The following RBFOX1 variants were observed in gnomAD, a reference collection of about 807,000 sequenced individuals.
RBFOX1 encodes RNA binding protein fox-1 homolog 1.
In RBFOX1, 8 loss-of-function variants were observed where a neutral mutation model predicts 57.7. The observed-to-expected ratio is 0.14, with a 90% CI of 0.08 to 0.25. RBFOX1 has a LOEUF of 0.25. Ranked by LOEUF, RBFOX1 falls within the 10% of genes least tolerant of loss-of-function variation. The pLI, the probability that RBFOX1 is intolerant of heterozygous loss-of-function variation, is 1.00. For missense variants in RBFOX1, 611 were observed against 548.5 expected, an observed-to-expected ratio of 1.11 and a Z score of -1.14; for synonymous variants, 326 against 222.4, an observed-to-expected ratio of 1.47 and a Z score of -4.15.
chr16:6,420,165 G>A (rs1162456435), intron 2 of RBFOX1, among the ~76,000 whole-genome samples: 1 of 152,048 alleles, frequency 6.6e-6, no homozygotes, highest in Non-Finnish European at 1.5e-5. Context: ...CAACTCTGCA[G>A]TCGATGAAAG....
At chr16:5,416,939 C>T (rs2067177765) in intron 1 of RBFOX1, among the ~76,000 whole-genome samples, 1 of 152,102 alleles carries the variant, frequency 6.6e-6, no homozygotes, top group African/African-American at 2.4e-5. Flanking sequence ...AAGGGGATGG[C>T]TTATGGAACA....
intron 1 of RBFOX1, among the ~76,000 whole-genome samples, chr16:6,101,090 C>G (rs1228535375): frequency 6.6e-6 from 1 of 152,206 alleles, no homozygotes; most frequent in African/African-American, 2.4e-5. Flanking sequence ...CTCCAAAAAC[C>G]ATCTGTGTCC....
chr16:6,251,397 A>G (rs62015145), intron 1 of RBFOX1, among the ~76,000 whole-genome samples: 21,816 of 152,062 alleles, frequency 0.14, 1,701 homozygotes, highest in South Asian at 0.28. Flanking sequence ...CCAAAGTCAC[A>G]CAGTCAGTGT....
chr16:7,228,143 C>T (rs548445852), intron 4 of RBFOX1, among the ~76,000 whole-genome samples: 90 of 152,192 alleles, frequency 5.9e-4, no homozygotes, highest in Middle Eastern at 3.4e-3. Context: ...GAGTATCAGA[C>T]TGTAAGTTCC....
intron 4 of RBFOX1, among the ~76,000 whole-genome samples, chr16:5,867,861 A>C (rs944157348): frequency 1.3e-5 from 2 of 151,828 alleles, no homozygotes; most frequent in Non-Finnish European, 2.9e-5. Flanking sequence ...ACAGGTGTGC[A>C]CCGCCACGCC....
chr16:7,197,598 C>G (rs1005087381), intron 4 of RBFOX1, among the ~76,000 whole-genome samples: 1 of 152,054 alleles, frequency 6.6e-6, no homozygotes, highest in South Asian at 2.1e-4. Context: ...ACATTGAAAA[C>G]AAGTACTCAA....
rs558653927 is a variant in RBFOX1, at chr16:7,194,813, C to T, written c.27+142715C>T. 1.3e-4 allele frequency among the ~76,000 whole-genome samples: 19 copies of T among 151,496 alleles called. No individual in the cohort carries two copies. In the East Asian group the frequency reaches 2.9e-3, roughly 23 times the overall value. On this transcript the variant is annotated intron_variant, in intron 4 of 15. Coordinates refer to ENST00000550418, the MANE Select transcript of RBFOX1 (RefSeq NM_018723.4). ...CGTGGTGGTGCATGCCTGTGGTTCT[C>T]GCCACTAGGGAGGCTGAGGTGGGAG... is the stretch of plus-strand genomic sequence containing the variant.
chr16:6,855,901 T>A (rs980256234), intron 3 of RBFOX1, among the ~76,000 whole-genome samples: 3 of 148,122 alleles, frequency 2.0e-5, no homozygotes, highest in African/African-American at 7.7e-5. Flanking sequence ...CCTCCTTACC[T>A]CCCTTCTTTC....
intron 4 of RBFOX1, among the ~76,000 whole-genome samples, chr16:7,063,339 T>G (rs1238984384): frequency 6.6e-6 from 1 of 151,948 alleles, no homozygotes; most frequent in African/African-American, 2.4e-5. Context: ...AGATAAAGGA[T>G]CTGTATCAGT....
intron 3 of RBFOX1, among the ~76,000 whole-genome samples, chr16:5,652,694 A>G (rs1343866052): frequency 6.6e-6 from 1 of 152,190 alleles, no homozygotes; most frequent in Non-Finnish European, 1.5e-5. Flanking sequence ...CATAAAGGGT[A>G]TAAATGTGCC....
intron 3 of RBFOX1, among the ~76,000 whole-genome samples, chr16:5,621,973 T>A (rs563743051): frequency 6.6e-6 from 1 of 152,338 alleles, no homozygotes; most frequent in African/African-American, 2.4e-5. Context: ...ATGAGGTTCT[T>A]GTAACAACAC....
intron 11 of RBFOX1, among the ~76,000 whole-genome samples, chr16:7,647,362 C>G (rs1189346116): frequency 6.6e-6 from 1 of 152,136 alleles, no homozygotes; most frequent in Non-Finnish European, 1.5e-5. Flanking sequence ...AGATTTTTCT[C>G]TTTGATTCAT....
chr16:6,869,954 A>G (rs967980005), intron 3 of RBFOX1, among the ~76,000 whole-genome samples: 1 of 152,166 alleles, frequency 6.6e-6, no homozygotes, highest in Non-Finnish European at 1.5e-5. Flanking sequence ...ACTGCTTACT[A>G]ATCTTAGGAC....
At chr16:7,467,222 C>T (rs987987864) in intron 4 of RBFOX1, among the ~76,000 whole-genome samples, 5 of 152,250 alleles carry the variant, frequency 3.3e-5, no homozygotes, top group East Asian at 3.9e-4. Context: ...CATAATGACA[C>T]GGAGAACTTT....
intron 3 of RBFOX1, among the ~76,000 whole-genome samples, chr16:6,949,010 A>T (rs2080148377): frequency 6.6e-6 from 1 of 152,160 alleles, no homozygotes; most frequent in African/African-American, 2.4e-5. Context: ...GGGATTCTCG[A>T]TTAAGAAAAG....
At chr16:6,505,050 G>C (rs1164267891) in intron 2 of RBFOX1, among the ~76,000 whole-genome samples, 1 of 152,040 alleles carries the variant, frequency 6.6e-6, no homozygotes, top group African/African-American at 2.4e-5. Flanking sequence ...TCCATCTTGG[G>C]CAACAGAGTG....
intron 3 of RBFOX1, among the ~76,000 whole-genome samples, chr16:5,761,545 A>T (rs970523467): frequency 1.3e-5 from 2 of 152,196 alleles, no homozygotes; most frequent in Non-Finnish European, 2.9e-5. Flanking sequence ...GTCATGTCTT[A>T]CATGGCAGCA....
intron 2 of RBFOX1, among the ~76,000 whole-genome samples, chr16:6,383,615 A>G (rs1007232130): frequency 6.6e-6 from 1 of 152,136 alleles, no homozygotes; most frequent in Non-Finnish European, 1.5e-5. Context: ...TCTACTGAAA[A>G]TACAAAAATT....
chr16:6,929,430 G>A (rs868827712), intron 3 of RBFOX1, among the ~76,000 whole-genome samples: 6 of 152,252 alleles, frequency 3.9e-5, no homozygotes, highest in Middle Eastern at 3.4e-3. Context: ...CAGGTAAACA[G>A]CAGTTCCCTG....
Sources: allele counts gnomAD v4.1 joint callset (sites outside exome capture counted in the v4.1 genomes callset), GRCh38; gene constraint gnomAD v4.1.1; transcripts MANE v1.5; gene names NCBI Gene and HGNC (gene_info 2026-07-23, HGNC 2026-07-21).